The following NOTCH1 variants were observed in gnomAD, a reference collection of about 807,000 sequenced individuals.
NOTCH1 encodes the protein notch receptor 1.
In NOTCH1, 37 loss-of-function variants were observed where a neutral mutation model predicts 254.8. That is an observed-to-expected ratio of 0.15 (90% CI 0.11 to 0.19). The LOEUF (loss-of-function observed/expected upper bound fraction) is 0.19, where lower values mean the gene tolerates loss of function less well. Ranked by LOEUF, NOTCH1 falls within the 10% of genes least tolerant of loss-of-function variation. The pLI is 1.00. For missense variants in NOTCH1, 2,972 were observed against 3,708.6 expected (o/e 0.80, Z 5.16); for synonymous variants, 1,731 against 1,618.1 (o/e 1.07, Z -1.68).
chr9:136,499,846 CG>C (rs1842969930), intron 31 of NOTCH1, among the ~76,000 whole-genome samples: 1 of 152,210 alleles, frequency 6.6e-6, no homozygotes. Context: ...CAAACCCGCA[CG>C]GGGCTCCCTT....
Position 136,513,279 on chromosome 9 carries a change from C to G in NOTCH1, c.2353+113G>C. 6.5e-7 allele frequency: 1 copy of G among 1,543,618 alleles called. No homozygotes were observed. Among genetic ancestry groups the G allele is most frequent in the African/African-American group, 1.4e-5 (1 of 73,494 alleles). ...GAGGCCTGGAGCTAAGGCTTTGCCA[C>G]GGGAGGGAGACACCATGCATGGTGC... On this transcript the variant is annotated intron_variant, in intron 14 of 33. Transcript: ENST00000651671. This position sits in a 1 kb window ranked among gnomAD's most constrained non-coding sequence, Gnocchi z 4.7.
rs2133339946 is a variant in NOTCH1 at position 136,505,604 on chromosome 9, C to T, written c.4292G>A (p.Ser1431Asn). ...NGLLCHILDY[S>N]FGGGAGRDIP... The stretch of plus-strand genomic sequence containing the variant: ...GTCGCGCCCGGCCCCACCCCCGAAG[C>T]TGTAGTCCAGGATGTGGCACAAGAG... The change falls in exon 25 of 34, where the codon AGC becomes AAC. Residue 1431 changes from serine to asparagine, a missense_variant. Transcript: ENST00000651671. 2 of 1,611,584 alleles carry T rather than the reference C, an allele frequency of 1.2e-6. No homozygotes were observed. Among genetic ancestry groups the T allele is most frequent in the Non-Finnish European group, 1.7e-6 (2 of 1,179,362 alleles).
chr9:136,530,147 C>T (rs1046942686), intron 2 of NOTCH1, among the ~76,000 whole-genome samples: 4 of 152,220 alleles, frequency 2.6e-5, no homozygotes, highest in Non-Finnish European at 2.9e-5. Flanking sequence ...GCGGGGGTCG[C>T]GGCCGGCCCG....
intron 2 of NOTCH1, among the ~76,000 whole-genome samples, chr9:136,527,098 G>T (rs1424340403): frequency 6.6e-6 from 1 of 152,218 alleles, no homozygotes; most frequent in African/African-American, 2.4e-5. Flanking sequence ...GGGTCTGTGT[G>T]TGGGGGGCAG....
chr9:136,499,050 T>C, intron 32 of NOTCH1, 54 bp from the exon 33 acceptor site: 1 of 1,612,522 alleles, frequency 6.2e-7, no homozygotes, highest in Non-Finnish European at 8.5e-7. Flanking sequence ...GGCAACCCAG[T>C]CCCACCCGTC....
In NOTCH1 at chr9:136,496,450, C is replaced by G. The variant is rs36049318; in HGVS notation, c.7289G>C (p.Gly2430Ala). The G allele has an allele frequency of 3.4e-4, 552 of 1,600,282 alleles. 4 individuals carry two copies. In the African/African-American group the frequency reaches 6.8e-3, roughly 20 times the overall value. ...CGGCTCTCCACTCAGGAAGCTCCGGCCCAGGTGGCCGCTGGCTGCTGAGCT... is the reference window on the plus strand; with the variant it reads ...CGGCTCTCCACTCAGGAAGCTCCGGGCCAGGTGGCCGCTGGCTGCTGAGCT... The part of the protein sequence containing the change: ...GVSSAASGHL[G>A]RSFLSGEPSQ... The change falls in exon 34 of 34, where the codon GGC (glycine) becomes GCC (alanine). Residue 2430 changes from glycine (G) to alanine (A), a missense_variant. Physicochemically the swap from Gly to Ala is moderately conservative, Grantham distance 60. Transcript: ENST00000651671.
In NOTCH1 at chr9:136,502,467, G is replaced by T. The variant is rs375897519; in HGVS notation, c.5189C>A (p.Pro1730Gln). 1.9e-6 allele frequency: 3 copies of T among 1,583,138 alleles called. No homozygotes were observed. Among genetic ancestry groups the T allele is most frequent in the East Asian group, 2.3e-5 (1 of 43,686 alleles). The change falls in exon 28 of 34, where the codon CCG becomes CAG. Residue 1730 changes from proline (P) to glutamine (Q), a missense_variant. Around this residue, in one of 8 missense-constraint regions of NOTCH1, gnomAD observed 421 missense variants for 604.4 expected, o/e 0.70. Transcript: ENST00000651671. ...AVQSETVEPP[P>Q]PAQLHFMYVA... is the part of the protein sequence containing the mutation. ...GTACATGAAGTGCAGCTGCGCCGGC[G>T]GGGGCGGCTCCACGGTCTCACCTGC...
intron 1 of NOTCH1, 38 bp from the exon 2 acceptor site, chr9:136,544,140 G>A (rs1564216175): frequency 2.0e-6 from 3 of 1,530,864 alleles, no homozygotes; most frequent in East Asian, 2.4e-5. Flanking sequence ...AGTCTCACCC[G>A]CACCACCACC....
At chr9:136,543,945 G>T in intron 2 of NOTCH1, 79 bp downstream of exon 2, 1 of 1,329,182 alleles carries the variant, frequency 7.5e-7, no homozygotes, top group Non-Finnish European at 1.1e-6. Context: ...ATGGCCTAGT[G>T]TTCTGTCCCC....
chr9:136,501,081 A>G (rs1290116379), intron 30 of NOTCH1, among the ~76,000 whole-genome samples: 2 of 152,212 alleles, frequency 1.3e-5, no homozygotes, highest in Non-Finnish European at 2.9e-5. Flanking sequence ...TGACCTGCCC[A>G]AGACCTGGCA....
rs1273334867 is a variant in NOTCH1, at chr9:136,514,682, T to C, written c.2035A>G (p.Ile679Val). Residue 679 changes from isoleucine (I) to valine (V), a missense_variant, in exon 13 of 34, where the codon ATC becomes GTC. Physicochemically the swap from Ile to Val is conservative, Grantham distance 29. This residue lies in a region of NOTCH1 where 1,343 missense variants were observed against 1,557.0 expected (regional missense o/e 0.86). Coordinates refer to ENST00000651671, the MANE Select transcript of NOTCH1 (RefSeq NM_017617.5). Reference protein sequence around the residue: ...GYTGSMCNINIDECAGNPCHN... With the variant: ...GYTGSMCNINVDECAGNPCHN... ...CAGGGGTTGCCCGCACACTCATCGATGTTGATGTTACACATGCTCCCTAAG... is the reference window on the plus strand; with the variant it reads ...CAGGGGTTGCCCGCACACTCATCGACGTTGATGTTACACATGCTCCCTAAG... The C allele has an allele frequency of 4.3e-6, 7 of 1,612,502 alleles. No individual in the cohort carries two copies. Among genetic ancestry groups the C allele is most frequent in the Admixed American group, 1.7e-5 (1 of 59,972 alleles).
At chr9:136,533,871 C>T (rs1843600855) in intron 2 of NOTCH1, among the ~76,000 whole-genome samples, 1 of 152,258 alleles carries the variant, frequency 6.6e-6, no homozygotes, top group African/African-American at 2.4e-5. Flanking sequence ...GAGGGACGCG[C>T]CAGTTTCCTC....
At chr9:136,516,259 C>T (rs1843271201) in intron 9 of NOTCH1, among the ~76,000 whole-genome samples, 165 bp from the exon 10 acceptor site, 1 of 152,218 alleles carries the variant, frequency 6.6e-6, no homozygotes, top group African/African-American at 2.4e-5. Context: ...TGCCCGCTCC[C>T]CGGATCAAAG....
intron 3 of NOTCH1, 95 bp downstream of exon 3, chr9:136,523,622 C>T: frequency 6.7e-7 from 1 of 1,486,418 alleles, no homozygotes; most frequent in Non-Finnish European, 9.1e-7. Flanking sequence ...GGGTCAGAGA[C>T]CCGGGCCTGG....
At chr9:136,533,941 T>C (rs1435634460) in intron 2 of NOTCH1, among the ~76,000 whole-genome samples, 1 of 152,178 alleles carries the variant, frequency 6.6e-6, no homozygotes, top group East Asian at 1.9e-4. Flanking sequence ...CCGCCGTGGC[T>C]CCCTGGGCGG....
rs776228201 is a variant in NOTCH1, at chr9:136,508,152, G to T, written c.3326-13C>A. On this transcript the variant is annotated splice_polypyrimidine_tract_variant and intron_variant, in intron 20 of 33. Transcript: ENST00000651671. ...GCAACGTCAACACCTGCGGGGGATG[G>T]GGTGGTAGACAGGTGAGGCCCAGGC... 3.1e-6 allele frequency: 5 copies of T among 1,608,086 alleles called. No homozygotes were observed. In the Admixed American group the frequency reaches 8.3e-5, roughly 27 times the overall value.
chr9:136,508,301 G>T lies in NOTCH1; in HGVS notation c.3256C>A (p.Pro1086Thr), dbSNP rs2133347370. The change falls in exon 20 of 34, where the codon CCC becomes ACC. Residue 1086 changes from proline to threonine, a missense_variant. This residue lies in a region of NOTCH1 where 1,343 missense variants were observed against 1,557.0 expected (regional missense o/e 0.86). Transcript: ENST00000651671. The stretch of plus-strand genomic sequence containing the variant: ...CAGTAAAGGCCGGTCCAGCCGCTGG[G>T]GCACTCGCAGCGGTACTGGGTGTGG... ...QTHTQYRCEC[P>T]SGWTGLYCDV... 2.5e-6 allele frequency: 4 copies of T among 1,612,978 alleles called. No individual in the cohort carries two copies. In the East Asian group the frequency reaches 8.9e-5, roughly 36 times the overall value.
Position 136,510,758 on chromosome 9 carries a change from G to C in NOTCH1, c.2635C>G (p.Arg879Gly), listed in dbSNP as rs587778563. 2 of 1,610,584 alleles carry C rather than the reference G, an allele frequency of 1.2e-6. No individual in the cohort carries two copies. Among genetic ancestry groups the C allele is most frequent in the Non-Finnish European group, 1.7e-6 (2 of 1,179,880 alleles). ...GTGTTCTGGCAGGATGCGCCGTGCC[G>C]GCACGGGCTCAGAACGCACTCGTTG... is the stretch of plus-strand genomic sequence containing the variant. ...DINECVLSPC[R>G]HGASCQNTHG... The change falls in exon 17 of 34, where the codon CGG (arginine) becomes GGG (glycine). Residue 879 changes from arginine to glycine, a missense_variant. This residue lies in a region of NOTCH1 where 1,343 missense variants were observed against 1,557.0 expected (regional missense o/e 0.86). Coordinates refer to ENST00000651671, the MANE Select transcript of NOTCH1 (RefSeq NM_017617.5).
chr9:136,518,028 C>T, intron 7 of NOTCH1, 91 bp from the exon 8 acceptor site: 1 of 1,563,026 alleles, frequency 6.4e-7, no homozygotes, highest in Non-Finnish European at 8.6e-7. Flanking sequence ...CTGGCAGGGT[C>T]CCATCCCCCA....
Sources: gnomAD v4.1 joint callset for allele counts (sites outside exome capture counted in the v4.1 genomes callset) on GRCh38, gnomAD v4.1.1 for gene constraint, gnomAD v4.1.1 regional missense constraint, Gnocchi (gnomAD v3.1) non-coding constraint, MANE v1.5 for transcripts, NCBI Gene and HGNC (gene_info 2026-07-23, HGNC 2026-07-21) for gene names.